The following CSMD2 variants were observed in gnomAD, a reference collection of about 807,000 sequenced individuals.
CSMD2 encodes CUB and sushi domain-containing protein 2.
Under a neutral mutation model 398.5 loss-of-function variants are expected in CSMD2, and 130 were observed. The observed-to-expected ratio is 0.33, with a 90% CI of 0.28 to 0.38. CSMD2 has a LOEUF of 0.38. Among genes scored for constraint, CSMD2 ranks in the 10% least tolerant of loss-of-function variants. The pLI is 1.00. For missense variants in CSMD2, 3,829 were observed against 4,764.9 expected (o/e 0.80, Z 5.78); for synonymous variants, 1,828 against 1,908.5 (o/e 0.96, Z 1.10).
intron 10 of CSMD2, among the ~76,000 whole-genome samples, chr1:33,810,441 T>C (rs1423990634): frequency 1.3e-5 from 2 of 152,222 alleles, no homozygotes; most frequent in Non-Finnish European, 2.9e-5. Flanking sequence ...AATGGTTACC[T>C]CTGAGGGTGT....
intron 25 of CSMD2, among the ~76,000 whole-genome samples, chr1:33,689,005 T>G (rs1645145618): frequency 6.8e-6 from 1 of 147,176 alleles, no homozygotes; most frequent in Non-Finnish European, 1.5e-5. Flanking sequence ...GTGTTGGGGG[T>G]TGAGGCGGAG....
chr1:33,723,433 A>G (rs77135277), intron 19 of CSMD2, among the ~76,000 whole-genome samples: 3,515 of 152,362 alleles, frequency 0.023, 146 homozygotes, highest in African/African-American at 0.08. Context: ...GCTAGAAGCC[A>G]AATCTGCCTG....
chr1:33,781,294 ACCT>A (rs2149350635), intron 12 of CSMD2, among the ~76,000 whole-genome samples: 1 of 152,254 alleles, frequency 6.6e-6, no homozygotes, highest in South Asian at 2.1e-4. Flanking sequence ...TTCAGACATC[ACCT>A]CCTCCAGGGA....
chr1:33,722,838 G>A (rs886870467), intron 19 of CSMD2, among the ~76,000 whole-genome samples: 2 of 152,018 alleles, frequency 1.3e-5, no homozygotes, highest in Non-Finnish European at 2.9e-5. Flanking sequence ...GTGCCCACCT[G>A]AGGTTAGAGA....
chr1:34,151,783 C>T (rs1640343024), intron 1 of CSMD2, among the ~76,000 whole-genome samples: 1 of 151,730 alleles, frequency 6.6e-6, no homozygotes, highest in Non-Finnish European at 1.5e-5. Flanking sequence ...TTTCCTCCCT[C>T]ACTCCCTTGC....
chr1:33,733,159 G>C (rs1646775467), intron 15 of CSMD2, among the ~76,000 whole-genome samples: 1 of 152,170 alleles, frequency 6.6e-6, no homozygotes, highest in South Asian at 2.1e-4. Flanking sequence ...TGTCCAGTGT[G>C]AGTGACCAGA....
intron 7 of CSMD2, among the ~76,000 whole-genome samples, chr1:33,823,162 C>T (rs956312378): frequency 2.0e-5 from 3 of 152,180 alleles, no homozygotes; most frequent in Admixed American, 6.5e-5. Context: ...CAGACCCTAC[C>T]GCCTCCCCTT....
Position 33,772,747 on chromosome 1 carries a change from G to T in CSMD2, c.1668C>A (p.Ile556=). 2 of 1,609,356 alleles carry T rather than the reference G, an allele frequency of 1.2e-6. No individual in the cohort carries two copies. Among genetic ancestry groups the T allele is most frequent in the South Asian group, 1.1e-5 (1 of 90,786 alleles). Residue 556 remains isoleucine (I), a synonymous_variant, in exon 13 of 71, where the codon ATC becomes ATA. Transcript: ENST00000373381. The stretch of plus-strand genomic sequence containing the variant: ...CAGGGTCACCGCAACTGCCCTGCTC[G>T]ATCTCTGAAAGACAGGAAGATGAGA... ...SLGFKASYEE[I]EQGSCGDPGI...
intron 5 of CSMD2, among the ~76,000 whole-genome samples, chr1:33,905,668 A>G (rs990581502): frequency 1.3e-5 from 2 of 152,178 alleles, no homozygotes; most frequent in Non-Finnish European, 2.9e-5. Context: ...ATATTGGAAC[A>G]TGCCTTTATG....
At chr1:33,812,457 C>A (rs1381445045) in intron 9 of CSMD2, among the ~76,000 whole-genome samples, 2 of 152,244 alleles carry the variant, frequency 1.3e-5, no homozygotes, top group African/African-American at 4.8e-5. Flanking sequence ...GGGGAACCCC[C>A]ACTCCATTCC....
intron 13 of CSMD2, among the ~76,000 whole-genome samples, chr1:33,767,095 G>T (rs2149316590): frequency 6.6e-6 from 1 of 152,274 alleles, no homozygotes; most frequent in South Asian, 2.1e-4. Flanking sequence ...AAATATAATT[G>T]GTTGAATAAG....
intron 3 of CSMD2, among the ~76,000 whole-genome samples, chr1:33,978,851 A>T (rs1423667861): frequency 6.6e-6 from 1 of 152,196 alleles, no homozygotes; most frequent in Non-Finnish European, 1.5e-5. Flanking sequence ...CATCATACTA[A>T]GCTCTTTGCA....
intron 26 of CSMD2, among the ~76,000 whole-genome samples, chr1:33,660,165 GATGACCTTGT>G (rs1318994226): frequency 6.6e-6 from 1 of 152,196 alleles, no homozygotes; most frequent in African/African-American, 2.4e-5. Flanking sequence ...CTATTAACTA[GATGACCTTGT>G]ATGAGAAGCC....
Position 33,993,388 on chromosome 1 carries a change from C to A in CSMD2, c.517+39206G>T, listed in dbSNP as rs376331790. Among the ~76,000 whole-genome samples, 33 of 152,318 alleles carry A rather than the reference C, an allele frequency of 2.2e-4. No individual in the cohort carries two copies. In the East Asian group the frequency reaches 3.5e-3, roughly 16 times the overall value. ...TCCCTCACCTTGCTTCTGTCCATCT[C>A]ATTCCACTAATGCCACTGATTTCCA... On this transcript the variant is annotated intron_variant, in intron 3 of 70. Transcript: ENST00000373381.
At chr1:33,561,990 C>T (rs1051569626) in intron 53 of CSMD2, among the ~76,000 whole-genome samples, 14 of 152,000 alleles carry the variant, frequency 9.2e-5, no homozygotes, top group Non-Finnish European at 1.9e-4. Context: ...CTTGGGAATA[C>T]CACTTTTTGA....
At chr1:33,946,954 A>G (rs938265215) in intron 3 of CSMD2, among the ~76,000 whole-genome samples, 1 of 152,128 alleles carries the variant, frequency 6.6e-6, no homozygotes, top group African/African-American at 2.4e-5. Context: ...TTTTTATAGC[A>G]GGATAGGTTT....
At chr1:33,589,020 G>C (rs1401434108) in intron 44 of CSMD2, among the ~76,000 whole-genome samples, 4 of 152,194 alleles carry the variant, frequency 2.6e-5, no homozygotes, top group Non-Finnish European at 5.9e-5. Context: ...TGAAAATGGT[G>C]TACTATGTTT....
intron 66 of CSMD2, 147 bp from the exon 67 acceptor site, chr1:33,523,566 G>A (rs1654501270): frequency 1.7e-6 from 1 of 591,734 alleles, no homozygotes; most frequent in Admixed American, 3.0e-5. Context: ...TAAGTCGTAA[G>A]TGTAGTGTTG....
At chr1:33,783,916 C>T (rs1270138045) in intron 12 of CSMD2, among the ~76,000 whole-genome samples, 1 of 152,094 alleles carries the variant, frequency 6.6e-6, no homozygotes, top group African/African-American at 2.4e-5. Context: ...CCATCATTCT[C>T]ACACCCTCCT....
Sources: gnomAD v4.1 joint callset for allele counts (sites outside exome capture counted in the v4.1 genomes callset) on GRCh38, gnomAD v4.1.1 for gene constraint, MANE v1.5 for transcripts, NCBI Gene and HGNC (gene_info 2026-07-23, HGNC 2026-07-21) for gene names.